UFL1: variants seen among roughly 807,000 people sequenced by gnomAD.
UFL1 encodes E3 UFM1-protein ligase 1.
UFL1 carries 78 observed loss-of-function variants against 99.3 expected under a neutral mutation model. That is an observed-to-expected ratio of 0.79 (90% confidence interval 0.65 to 0.95). The LOEUF (loss-of-function observed/expected upper bound fraction) is 0.95. Ranked by LOEUF, UFL1 falls within the 40% of genes least tolerant of loss-of-function variation. The pLI, the probability that UFL1 is intolerant of heterozygous loss-of-function variation, is 0.00. For missense variants in UFL1, 936 were observed against 937.0 expected, an observed-to-expected ratio of 1.00 and a Z score of 0.01; for synonymous variants, 335 against 322.2, an observed-to-expected ratio of 1.04 and a Z score of -0.42.
intron 16 of UFL1, 152 bp downstream of exon 16, chr6:96,551,665 G>C: frequency 1.4e-6 from 1 of 724,148 alleles, no homozygotes; most frequent in South Asian, 2.2e-5. Flanking sequence ...AGAAGACCAA[G>C]CTGCTGGCAT....
At chr6:96,537,352 C>T in intron 8 of UFL1, 22 bp from the exon 9 acceptor site, 1 of 1,513,634 alleles carries the variant, frequency 6.6e-7, no homozygotes, top group South Asian at 1.3e-5. Context: ...AATTCTAATC[C>T]AACTTTGTGA....
intron 11 of UFL1, among the ~76,000 whole-genome samples, chr6:96,541,222 G>T (rs1298919657): frequency 6.6e-6 from 1 of 151,360 alleles, no homozygotes; most frequent in Non-Finnish European, 1.5e-5. Flanking sequence ...GAACTGTGTT[G>T]ATCTCATTTA....
intron 2 of UFL1, among the ~76,000 whole-genome samples, chr6:96,523,776 A>G (rs891192095): frequency 6.6e-6 from 1 of 152,314 alleles, no homozygotes; most frequent in East Asian, 1.9e-4. Flanking sequence ...AAACACGCAC[A>G]AAGTTGGTTT....
intron 6 of UFL1, among the ~76,000 whole-genome samples, chr6:96,528,998 A>G (rs970082822): frequency 6.6e-6 from 1 of 152,234 alleles, no homozygotes; most frequent in Non-Finnish European, 1.5e-5. Flanking sequence ...GCTTTATCAC[A>G]TAATAGGCAC....
chr6:96,534,458 G>C, intron 7 of UFL1, 137 bp downstream of exon 7: 1 of 687,588 alleles, frequency 1.5e-6, no homozygotes, highest in Non-Finnish European at 2.2e-6. Flanking sequence ...AAGTTTCTTT[G>C]TATCAAGTTT....
intron 15 of UFL1, among the ~76,000 whole-genome samples, chr6:96,550,534 T>C (rs1390267796): frequency 1.3e-5 from 2 of 152,036 alleles, no homozygotes; most frequent in Admixed American, 6.6e-5. Context: ...ATGTAGTTAG[T>C]CATTGCCTCA....
chr6:96,552,703 C>T (rs1770100544), intron 18 of UFL1, 41 bp downstream of exon 18: 1 of 1,525,178 alleles, frequency 6.6e-7, no homozygotes, highest in South Asian at 1.3e-5. Context: ...CAAAGATTTA[C>T]ATTCTGAATA....
intron 3 of UFL1, 50 bp from the exon 4 acceptor site, chr6:96,525,247 T>G (rs1297772001): frequency 1.4e-6 from 2 of 1,387,112 alleles, no homozygotes; most frequent in Non-Finnish European, 2.0e-6. Context: ...ATTTCAAGCT[T>G]AAGAAACAAT....
intron 6 of UFL1, among the ~76,000 whole-genome samples, chr6:96,529,914 G>A (rs915186148): frequency 2.6e-5 from 4 of 152,212 alleles, no homozygotes; most frequent in Admixed American, 6.5e-5. Flanking sequence ...CAATTTGAGA[G>A]GAGGTTGCTG....
chr6:96,543,245 A>G (rs892022029), intron 12 of UFL1, among the ~76,000 whole-genome samples: 2 of 151,174 alleles, frequency 1.3e-5, no homozygotes, highest in Admixed American at 6.6e-5. Context: ...TTAACTGAGT[A>G]TAGTATAAAG....
At chr6:96,528,079 A>G (rs1019481562) in intron 5 of UFL1, among the ~76,000 whole-genome samples, 5 of 152,210 alleles carry the variant, frequency 3.3e-5, no homozygotes, top group South Asian at 2.1e-4. Context: ...CTGGAATAAC[A>G]TTTATACTTT....
rs1475711900 is a variant in UFL1 at position 96,521,897 on chromosome 6, T to C, written c.24T>C (p.Ile8=). 1.9e-6 allele frequency: 3 copies of C among 1,612,600 alleles called. No homozygotes were observed. Among genetic ancestry groups the C allele is most frequent in the South Asian group, 1.1e-5 (1 of 90,692 alleles). Residue 8 remains isoleucine, a synonymous_variant, in exon 1 of 19, where the codon ATT becomes ATC. Transcript: ENST00000369278. ...TGATGGCGGACGCCTGGGAAGAGAT[T>C]AGGCGGTTGGCGGCCGACTTCCAGC... MADAWEE[I]RRLAADFQRA...
rs751698533 is a variant in UFL1, at chr6:96,551,505, A to G, written c.1891A>G (p.Asn631Asp). The G allele has an allele frequency of 1.6e-5, 24 of 1,524,608 alleles. No homozygotes were observed. The highest frequency in any genetic ancestry group is 1.9e-5 in the Non-Finnish European group (21 of 1,132,050). The allele number at this position is 1,524,608 out of a possible 1,614,324, so 94.4% of individuals were successfully genotyped here. A position where few individuals can be genotyped will look rare whatever the true frequency, so the allele number is the denominator to read the frequency against. Residue 631 changes from asparagine to aspartate, a missense_variant, in exon 16 of 19, where the codon AAT (asparagine) becomes GAT (aspartate). Coordinates refer to ENST00000369278, the MANE Select transcript of UFL1 (RefSeq NM_015323.5). ...TCTTACAAAACTCCATAACTCTCTG[A>G]ATGAAAAGGTAAGTAAAGTTTTATT... ...VALTKLHNSL[N>D]EKSIEDFISC...
chr6:96,523,067 T>G, intron 1 of UFL1, 79 bp from the exon 2 acceptor site: 1 of 1,406,482 alleles, frequency 7.1e-7, no homozygotes, highest in Non-Finnish European at 9.5e-7. Context: ...TAAAAGCCTG[T>G]TTTCATACAT....
chr6:96,537,435 T>A lies in UFL1; in HGVS notation c.864T>A (p.Tyr288Ter), dbSNP rs55792562. 6.2e-7 allele frequency: 1 copy of A among 1,608,140 alleles called. No homozygotes were observed. Among genetic ancestry groups the A allele is most frequent in the Non-Finnish European group, 8.5e-7 (1 of 1,177,244 alleles). ...CTGTAAGCTACATAAAGAAAAGATA[T>A]AAGACTACACAACTCTTGTTTTTGA... ...PDAVSYIKKR[Y>*]KTTQLLFLKA... Residue 288 changes from tyrosine to a stop codon, truncating the protein, a stop_gained, in exon 9 of 19, where the codon TAT becomes TAA. Coordinates refer to ENST00000369278, the MANE Select transcript of UFL1 (RefSeq NM_015323.5). LOFTEE classifies it high-confidence loss of function.
At chr6:96,537,326 C>G (rs765330507) in intron 8 of UFL1, 48 bp from the exon 9 acceptor site, 7 of 1,470,364 alleles carry the variant, frequency 4.8e-6, no homozygotes, top group Non-Finnish European at 6.3e-6. Flanking sequence ...TCACTTTTGT[C>G]TTACATGTAA....
intron 6 of UFL1, among the ~76,000 whole-genome samples, chr6:96,530,722 G>A (rs1769771694): frequency 6.6e-6 from 1 of 152,102 alleles, no homozygotes; most frequent in South Asian, 2.1e-4. Flanking sequence ...AGATGTTCCA[G>A]GCTCAGTTCA....
intron 12 of UFL1, among the ~76,000 whole-genome samples, chr6:96,543,574 G>A (rs1245316034): frequency 6.6e-6 from 1 of 151,198 alleles, no homozygotes; most frequent in Non-Finnish European, 1.5e-5. Flanking sequence ...GGCTGACTGT[G>A]GGAATGTTGA....
chr6:96,553,185 A>G, intron 18 of UFL1, 100 bp from the exon 19 acceptor site: 1 of 1,129,578 alleles, frequency 8.9e-7, no homozygotes, highest in Non-Finnish European at 1.2e-6. Flanking sequence ...TTTTTTGTAA[A>G]GATGAGGACC....
Sources: gnomAD v4.1 joint callset for allele counts (sites outside exome capture counted in the v4.1 genomes callset) on GRCh38, gnomAD v4.1.1 for gene constraint, MANE v1.5 for transcripts, NCBI Gene and HGNC (gene_info 2026-07-23, HGNC 2026-07-21) for gene names.